Variants in SAGE1 observed in about 807,000 individuals in gnomAD.
The protein encoded by SAGE1 is cancer/testis antigen 14.
Under a neutral mutation model 55.4 loss-of-function variants are expected in SAGE1, and 55 were observed. The observed-to-expected ratio is 0.99, with a 90% CI of 0.80 to 1.24. The LOEUF (loss-of-function observed/expected upper bound fraction) is 1.24. Among genes scored for constraint, SAGE1 ranks in the 50% most tolerant of loss-of-function variants. SAGE1 has a pLI of 0.00. For synonymous variants in SAGE1, 240 were observed against 244.3 expected, an observed-to-expected ratio of 0.98 and a Z score of 0.17; for missense variants, 710 against 704.4, an observed-to-expected ratio of 1.01 and a Z score of -0.09.
rs375536886 is a variant in SAGE1, at chrX:135,907,778, G to C, written c.1096G>C (p.Val366Leu). The C allele has an allele frequency of 8.3e-7, 1 of 1,209,814 alleles. No individual in the cohort carries two copies. The highest frequency in any genetic ancestry group is 1.8e-5 in the South Asian group (1 of 56,942). ...ACTACCTAGTAACGCCTTGTCAACT[G>C]TTCTACCAGGGCTTGCTTATTTGGC... ...QPLPSNALST[V>L]LPGLAYLATA... Residue 366 changes from valine (V) to leucine (L), a missense_variant, in exon 10 of 20, where the codon GTT (valine) becomes CTT (leucine). By Grantham distance (32) the Val-to-Leu change is conservative. Coordinates refer to ENST00000370709, the MANE Select transcript of SAGE1 (RefSeq NM_001381902.1).
intron 2 of SAGE1, among the ~76,000 whole-genome samples, chrX:135,899,900 C>A (rs1219936662): frequency 1.8e-5 from 2 of 110,847 alleles, no homozygotes; most frequent in Non-Finnish European, 3.8e-5. Flanking sequence ...TGGGCTGAGA[C>A]AACGGGATTT....
chrX:135,912,122 T>G, intron 18 of SAGE1, 169 bp downstream of exon 18: 1 of 1,095,127 alleles, frequency 9.1e-7, no homozygotes, highest in South Asian at 2.4e-5. Context: ...TATGTCTGCT[T>G]AAGTGTTTTG....
rs1488628775 is a variant in SAGE1 at position 135,910,500 on chromosome X, A to G, written c.1950A>G (p.Pro650=). ...APGNILSTAP[P]WLRHMAAAGI... Reference sequence around the variant, plus strand: ...GTAACATCTTGTCAACTGCTCCTCCATGGCTTCGTCATATGGCAGCAGCTG... The same window carrying G: ...GTAACATCTTGTCAACTGCTCCTCCGTGGCTTCGTCATATGGCAGCAGCTG... The change falls in exon 16 of 20, where the codon CCA becomes CCG. Residue 650 remains proline (P), a synonymous_variant. Coordinates refer to ENST00000370709, the MANE Select transcript of SAGE1 (RefSeq NM_001381902.1). 7.4e-6 allele frequency: 9 copies of G among 1,208,810 alleles called. No homozygotes were observed. Among genetic ancestry groups the G allele is most frequent in the South Asian group, 3.5e-5 (2 of 56,796 alleles).
At position 135,907,484 on chromosome X, in the gene SAGE1, G is replaced by C. The variant is rs369907968; in HGVS notation, c.1018+31G>C. On this transcript the variant is annotated intron_variant, in intron 9 of 19. Transcript: ENST00000370709. ...TTTGTTTACTAGTTGTAGTGTCCTAGTTGGTTTACATATGAATGCACAGTG... is the reference window on the plus strand; with the variant it reads ...TTTGTTTACTAGTTGTAGTGTCCTACTTGGTTTACATATGAATGCACAGTG... The C allele has an allele frequency of 1.8e-4, 212 of 1,162,171 alleles. 1 individual carries two copies. The African/African-American group carries it at 2.9e-3, about 16-fold the overall frequency.
chrX:135,900,374 G>A (rs2088653457), intron 2 of SAGE1, among the ~76,000 whole-genome samples: 1 of 111,656 alleles, frequency 9.0e-6, no homozygotes, highest in East Asian at 2.8e-4. Flanking sequence ...GCTTTTTGAT[G>A]TGCTGCTGGA....
intron 11 of SAGE1, 69 bp downstream of exon 11, chrX:135,908,298 A>C (rs2088832573): frequency 1.9e-6 from 2 of 1,079,240 alleles, no homozygotes; most frequent in Admixed American, 2.4e-5. Context: ...AAATGGAAGA[A>C]TGTGGTTTTA....
chrX:135,900,236 A>C (rs1361023052), intron 2 of SAGE1, among the ~76,000 whole-genome samples: 1 of 111,729 alleles, frequency 9.0e-6, no homozygotes, highest in African/African-American at 3.3e-5. Context: ...CCTTTTCTGC[A>C]TCTATTGAGA....
chrX:135,903,644 C>G (rs781868947), intron 3 of SAGE1, among the ~76,000 whole-genome samples: 18 of 112,019 alleles, frequency 1.6e-4, no homozygotes, highest in Non-Finnish European at 3.0e-4. Context: ...CTCCAATAGC[C>G]ACGTGTATTT....
At chrX:135,902,655 G>A (rs1178440960) in intron 3 of SAGE1, among the ~76,000 whole-genome samples, 2 of 111,929 alleles carry the variant, frequency 1.8e-5, no homozygotes, top group Non-Finnish European at 3.8e-5. Context: ...CAGCTCTCAT[G>A]GTCGGTTGCC....
At chrX:135,902,850 A>C (rs1289275865) in intron 3 of SAGE1, among the ~76,000 whole-genome samples, 2 of 112,042 alleles carry the variant, frequency 1.8e-5, no homozygotes, top group Admixed American at 1.9e-4. Flanking sequence ...CCTCCAGTGC[A>C]TGCTGCCGTG....
chrX:135,909,572 G>A, intron 13 of SAGE1, 67 bp from the exon 14 acceptor site: 1 of 1,007,526 alleles, frequency 9.9e-7, no homozygotes, highest in Non-Finnish European at 1.4e-6. Context: ...GAACATCAGA[G>A]GGATATACCT....
At chrX:135,903,048 G>A (rs782145947) in intron 3 of SAGE1, among the ~76,000 whole-genome samples, 75 of 111,640 alleles carry the variant, frequency 6.7e-4, no homozygotes, top group Non-Finnish European at 2.1e-4. Context: ...ACCGGCTTTG[G>A]TCTCCAAGCC....
chrX:135,901,463 A>G (rs1312017178), intron 2 of SAGE1, 96 bp from the exon 3 acceptor site: 1 of 833,298 alleles, frequency 1.2e-6, no homozygotes, highest in East Asian at 3.3e-5. Context: ...ACTTACATTA[A>G]TGATATAAAT....
intron 13 of SAGE1, among the ~76,000 whole-genome samples, 171 bp from the exon 14 acceptor site, chrX:135,909,467 GT>G (rs1222710815): frequency 1.8e-5 from 2 of 111,298 alleles, no homozygotes; most frequent in Non-Finnish European, 3.8e-5. Flanking sequence ...GAAGAAGGTG[GT>G]TTTTTTGCAT....
chrX:135,900,651 C>G (rs782819557), intron 2 of SAGE1, among the ~76,000 whole-genome samples: 1 of 110,979 alleles, frequency 9.0e-6, no homozygotes, highest in Non-Finnish European at 1.9e-5. Context: ...AACATACATA[C>G]TATACCCTTC....
At chrX:135,897,675 CT>C (rs1179152750) in intron 2 of SAGE1, among the ~76,000 whole-genome samples, 2 of 111,903 alleles carry the variant, frequency 1.8e-5, no homozygotes, top group Non-Finnish European at 3.8e-5. Context: ...ATTTCTTCAA[CT>C]TTTACTTTAA....
chrX:135,900,115 T>A (rs1175204035), intron 2 of SAGE1, among the ~76,000 whole-genome samples: 1 of 111,262 alleles, frequency 9.0e-6, no homozygotes, highest in East Asian at 2.8e-4. Context: ...TTCAGTATGA[T>A]ATTGGCTGTG....
chrX:135,901,505 C>T (rs1299832090), intron 2 of SAGE1, 54 bp from the exon 3 acceptor site: 23 of 1,151,042 alleles, frequency 2.0e-5, no homozygotes, highest in African/African-American at 3.6e-5. Flanking sequence ...AAGACTGTGA[C>T]TTTGCAGTGG....
Position 135,908,857 on chromosome X carries a change from T to C in SAGE1, c.1442-7T>C. The C allele has an allele frequency of 3.3e-6, 4 of 1,209,235 alleles. No homozygotes were observed. Among genetic ancestry groups the C allele is most frequent in the Non-Finnish European group, 4.5e-6 (4 of 894,104 alleles). ...CTCACAGCTTGACCTCTCCCTTTGG[T>C]TTCCAGATGCTACCATTACTCACAG... On this transcript the variant is annotated splice_region_variant and splice_polypyrimidine_tract_variant and intron_variant, in intron 12 of 19. Transcript: ENST00000370709.
Sources: gnomAD v4.1 joint callset for allele counts (sites outside exome capture counted in the v4.1 genomes callset) on GRCh38, gnomAD v4.1.1 for gene constraint, MANE v1.5 for transcripts, NCBI Gene and HGNC (gene_info 2026-07-23, HGNC 2026-07-21) for gene names.